FANCA: variants seen among roughly 807,000 people sequenced by gnomAD.
The protein encoded by FANCA is FA complementation group A, also known as Fanconi anemia group A protein.
Under a neutral mutation model 194.3 loss-of-function variants are expected in FANCA, and 236 were observed. The observed-to-expected ratio is 1.21, with a 90% CI of 1.09 to 1.35. The LOEUF is 1.35. Ranked by LOEUF, FANCA falls within the 40% of genes most tolerant of loss-of-function variation. The pLI is 0.00. For missense variants in FANCA, 2,628 were observed against 1,813.9 expected, an observed-to-expected ratio of 1.45 and a Z score of -8.15; for synonymous variants, 1,014 against 715.8, an observed-to-expected ratio of 1.42 and a Z score of -6.65.
At chr16:89,789,799 A>C (rs2040009060) in intron 14 of FANCA, among the ~76,000 whole-genome samples, 1 of 152,132 alleles carries the variant, frequency 6.6e-6, no homozygotes, top group Admixed American at 6.6e-5. Flanking sequence ...ACAAGCACTA[A>C]AAGAGAAACC....
chr16:89,739,277 G>T lies in FANCA; in HGVS notation c.4023C>A (p.Tyr1341Ter), dbSNP rs201740587. The T allele has an allele frequency of 6.2e-7, 1 of 1,614,178 alleles. No individual in the cohort carries two copies. The highest frequency in any genetic ancestry group is 2.2e-5 in the East Asian group (1 of 44,896). The change falls in exon 41 of 43, where the codon TAC becomes TAA. Residue 1341 changes from tyrosine to a stop codon, truncating the protein, a stop_gained. Transcript: ENST00000389301. LOFTEE classifies it high-confidence loss of function. ...LPFAFYSLLS[Y>*]FHEDAAIREE... is the part of the protein sequence containing the mutation. ...CCCTGATGGCCGCGTCTTCATGGAA[G>T]TAGGAGAGAAGACTAGAGGTAAAGA...
At chr16:89,781,868 G>A (rs2039720105) in intron 17 of FANCA, among the ~76,000 whole-genome samples, 1 of 143,328 alleles carries the variant, frequency 7.0e-6, no homozygotes, top group Admixed American at 7.1e-5. Context: ...AGGCGTGGTG[G>A]CAGGCATCTG....
chr16:89,786,611 C>G (rs1203038119), intron 14 of FANCA, among the ~76,000 whole-genome samples: 1 of 152,204 alleles, frequency 6.6e-6, no homozygotes. Flanking sequence ...ACTATCACAC[C>G]TGACCATGTG....
chr16:89,772,198 C>T (rs1465232649), intron 22 of FANCA, among the ~76,000 whole-genome samples: 1 of 152,228 alleles, frequency 6.6e-6, no homozygotes, highest in African/African-American at 2.4e-5. Context: ...CCAACTACAT[C>T]ATTTAAAGGT....
intron 12 of FANCA, 68 bp from the exon 13 acceptor site, chr16:89,792,136 T>C (rs1598153071): frequency 1.3e-6 from 2 of 1,593,450 alleles, no homozygotes; most frequent in African/African-American, 1.3e-5. Flanking sequence ...ACCCCTCACC[T>C]TCCTCCCAGC....
At chr16:89,771,631 G>A in intron 23 of FANCA, 47 bp downstream of exon 23, 1 of 1,609,736 alleles carries the variant, frequency 6.2e-7, no homozygotes. Context: ...TCTGCCTAAT[G>A]GAAAATGGTG....
chr16:89,796,380 G>A (rs551980288), intron 10 of FANCA, among the ~76,000 whole-genome samples: 19 of 152,218 alleles, frequency 1.2e-4, no homozygotes, highest in African/African-American at 3.9e-4. Context: ...GGGCCTCAGC[G>A]GCACCCTCTG....
chr16:89,775,934 G>C, intron 20 of FANCA, 119 bp from the exon 21 acceptor site: 1 of 598,724 alleles, frequency 1.7e-6, no homozygotes, highest in Non-Finnish European at 2.9e-6. Flanking sequence ...TATAAATACT[G>C]TGTACAGTAT....
chr16:89,792,601 G>C, intron 11 of FANCA, 54 bp from the exon 12 acceptor site: 2 of 1,530,028 alleles, frequency 1.3e-6, no homozygotes, highest in East Asian at 2.6e-5. Flanking sequence ...AAAGTTGTGG[G>C]TTTTTGTTAA....
chr16:89,791,221 C>G (rs1218350979), intron 14 of FANCA, 182 bp downstream of exon 14: 2 of 783,762 alleles, frequency 2.6e-6, no homozygotes. Context: ...CGCTGAGGCC[C>G]CGACAGGGAG....
intron 21 of FANCA, 145 bp downstream of exon 21, chr16:89,775,597 T>G (rs1236244615): frequency 1.5e-6 from 1 of 687,020 alleles, no homozygotes; most frequent in Non-Finnish European, 2.7e-6. Context: ...GTCAGCATGG[T>G]GGGCGGACCC....
chr16:89,772,824 AAAAAAAG>A (rs939569824), intron 22 of FANCA, among the ~76,000 whole-genome samples: 6 of 152,030 alleles, frequency 3.9e-5, no homozygotes, highest in Admixed American at 2.0e-4. Flanking sequence ...GTCTCAAAAA[AAAAAAAG>A]AAAAAAGAAA....
At chr16:89,797,897 AAAAT>A (rs71137676) in intron 10 of FANCA, among the ~76,000 whole-genome samples, 2 of 151,890 alleles carry the variant, frequency 1.3e-5, no homozygotes, top group African/African-American at 2.4e-5. Context: ...CTCTGTCTCA[AAAAT>A]AAATAAATAA....
chr16:89,802,497 T>A (rs1179959911), intron 8 of FANCA, among the ~76,000 whole-genome samples: 2 of 151,898 alleles, frequency 1.3e-5, no homozygotes, highest in African/African-American at 2.4e-5. Flanking sequence ...CGCCTCCAGG[T>A]TTCACGCCAT....
chr16:89,795,934 C>CT lies in FANCA; in HGVS notation c.977dup (p.Ile327AspfsTer12). The CT allele has an allele frequency of 6.2e-7, 1 of 1,614,046 alleles. No homozygotes were observed. The highest frequency in any genetic ancestry group is 8.5e-7 in the Non-Finnish European group (1 of 1,179,918). On this transcript the variant is annotated frameshift_variant, in exon 11 of 43. Coordinates refer to ENST00000389301, the MANE Select transcript of FANCA (RefSeq NM_000135.4). LOFTEE classifies it high-confidence loss of function. Reference sequence around the variant, plus strand: ...TCAGCACAGGGCTGTGAGTGAGTATCTGAGTCAGGGTATGACTGAAGAACC... The same window carrying CT: ...TCAGCACAGGGCTGTGAGTGAGTATCTTGAGTCAGGGTATGACTGAAGAACC...
Position 89,742,896 on chromosome 16 carries a change from G to T in FANCA, c.3669C>A (p.Asp1223Glu). 6.2e-7 allele frequency: 1 copy of T among 1,614,186 alleles called. No homozygotes were observed. Among genetic ancestry groups the T allele is most frequent in the East Asian group, 2.2e-5 (1 of 44,886 alleles). ...PEAASPAPNP[D>E]WLSAAALHFA... ...AGTGCAGTGCAGCAGCTGAGAGCCA[G>T]TCCGGGTTGGGTGCTGGGGAGGCAG... Residue 1223 changes from aspartate to glutamate, a missense_variant, in exon 37 of 43, where the codon GAC becomes GAA. By Grantham distance (45) the Asp-to-Glu change is conservative. Transcript: ENST00000389301.
intron 26 of FANCA, among the ~76,000 whole-genome samples, chr16:89,768,454 A>T (rs1008119295): frequency 1.3e-5 from 2 of 152,138 alleles, no homozygotes; most frequent in African/African-American, 4.8e-5. Context: ...TCAGGAGTTC[A>T]AGACCAGCCT....
At chr16:89,816,038 TC>T (rs2143725172) in intron 1 of FANCA, 52 bp from the exon 2 acceptor site, 3 of 1,423,456 alleles carry the variant, frequency 2.1e-6, no homozygotes, top group South Asian at 1.1e-5. Context: ...ACACACGGGG[TC>T]CCCGGCCCGA....
chr16:89,806,622 C>T (rs2040658481), intron 6 of FANCA, among the ~76,000 whole-genome samples: 2 of 152,020 alleles, frequency 1.3e-5, no homozygotes, highest in Admixed American at 1.3e-4. Context: ...TCCATTTAAC[C>T]CTGAGTGGAC....
Sources: gnomAD v4.1 joint callset for allele counts (sites outside exome capture counted in the v4.1 genomes callset) on GRCh38, gnomAD v4.1.1 for gene constraint, MANE v1.5 for transcripts, NCBI Gene and HGNC (gene_info 2026-07-23, HGNC 2026-07-21) for gene names.